Variants in ALDH9A1 observed in about 807,000 individuals in gnomAD.
ALDH9A1 encodes 4-trimethylaminobutyraldehyde dehydrogenase.
ALDH9A1 carries 42 observed loss-of-function variants against 56.6 expected under a neutral mutation model. The ratio of observed to expected loss-of-function variants is 0.74; its 90% CI spans 0.58 to 0.96. The LOEUF (loss-of-function observed/expected upper bound fraction) is 0.96. Among genes scored for constraint, ALDH9A1 ranks in the 40% least tolerant of loss-of-function variants. The pLI is 0.00. For missense variants in ALDH9A1, 661 were observed against 651.5 expected, an observed-to-expected ratio of 1.01 and a Z score of -0.16; for synonymous variants, 242 against 236.0, an observed-to-expected ratio of 1.03 and a Z score of -0.23.
intron 9 of ALDH9A1, 40 bp downstream of exon 9, chr1:165,667,269 C>T (rs773243882): frequency 7.4e-6 from 12 of 1,612,266 alleles, no homozygotes; most frequent in African/African-American, 4.0e-5. Context: ...ACTGCAGCCC[C>T]GCTCCTTCAA....
Position 165,691,205 on chromosome 1 carries a change from T to C in ALDH9A1, c.327+4047A>G, listed in dbSNP as rs1347395511. 4.6e-5 allele frequency among the ~76,000 whole-genome samples: 7 copies of C among 152,182 alleles called. No homozygotes were observed. In the South Asian group the frequency reaches 1.5e-3, roughly 32 times the overall value. ...CAGCAACATTTGCTGTTCTGCAATA[T>C]TTGCTGTTCTACAGCCTCCGCTGGT... On this transcript the variant is annotated intron_variant, in intron 2 of 10. Coordinates refer to ENST00000354775, the MANE Select transcript of ALDH9A1 (RefSeq NM_000696.4).
At position 165,673,719 on chromosome 1, in the gene ALDH9A1, T is replaced by A. The variant is rs146180457; in HGVS notation, c.931-4269A>T. Among the ~76,000 whole-genome samples, 948 of 152,282 alleles carry A rather than the reference T, an allele frequency of 6.2e-3. 26 individuals are homozygous for A. The South Asian group carries it at 0.072, about 12-fold the overall frequency. The stretch of plus-strand genomic sequence containing the variant: ...AGACCCTAATAATTAGACAGGAATA[T>A]CATTGCCCCTATTCAGCATGAAAAA... On this transcript the variant is annotated intron_variant, in intron 6 of 10. Transcript: ENST00000354775.
intron 6 of ALDH9A1, among the ~76,000 whole-genome samples, chr1:165,675,842 A>G (rs1649339749): frequency 6.6e-6 from 1 of 152,268 alleles, no homozygotes; most frequent in Non-Finnish European, 1.5e-5. Context: ...CACGCTGAAT[A>G]TAAAAACAAC....
In ALDH9A1 at chr1:165,698,562, T is replaced by G. The variant is rs368809267; in HGVS notation, c.-4A>C. 4.8e-5 allele frequency: 77 copies of G among 1,596,458 alleles called. 1 individual carries two copies. Among genetic ancestry groups the G allele is most frequent in the African/African-American group, 2.4e-4 (17 of 71,746 alleles). On this transcript the variant is annotated 5_prime_UTR_variant, in exon 1 of 11. Coordinates refer to ENST00000354775, the MANE Select transcript of ALDH9A1 (RefSeq NM_000696.4). ...CCAGGCCTGCTCGGAGAAACATGAG[T>G]GGCGGACGCAGCTCCGCGGCAGAGG...
At chr1:165,675,005 C>T (rs1649304034) in intron 6 of ALDH9A1, among the ~76,000 whole-genome samples, 1 of 152,080 alleles carries the variant, frequency 6.6e-6, no homozygotes, top group Non-Finnish European at 1.5e-5. Context: ...CCAGCCTGGC[C>T]AACATGGTGA....
At chr1:165,681,192 C>T (rs1029428027) in intron 4 of ALDH9A1, among the ~76,000 whole-genome samples, 1 of 152,220 alleles carries the variant, frequency 6.6e-6, no homozygotes, top group Non-Finnish European at 1.5e-5. Context: ...AAGTAAACAA[C>T]TCTTGTCCTT....
chr1:165,675,462 C>G (rs1040195197), intron 6 of ALDH9A1, among the ~76,000 whole-genome samples: 3 of 151,936 alleles, frequency 2.0e-5, no homozygotes, highest in African/African-American at 7.3e-5. Context: ...ATACAAGTAC[C>G]TATTCATTTG....
intron 2 of ALDH9A1, among the ~76,000 whole-genome samples, chr1:165,692,845 T>C (rs1649939505): frequency 6.6e-6 from 1 of 152,082 alleles, no homozygotes; most frequent in Admixed American, 6.6e-5. Flanking sequence ...CAAAACAGCA[T>C]GGTACTGGTA....
intron 6 of ALDH9A1, among the ~76,000 whole-genome samples, chr1:165,673,806 A>C (rs746590255): frequency 6.6e-6 from 1 of 152,146 alleles, no homozygotes; most frequent in Non-Finnish European, 1.5e-5. Flanking sequence ...CTTTTATAAA[A>C]GGGAGAGGGG....
intron 6 of ALDH9A1, chr1:165,676,248 A>G (rs1649351663): frequency 6.5e-6 from 1 of 154,794 alleles, no homozygotes; most frequent in Non-Finnish European, 1.4e-5. Flanking sequence ...TCTAAATACC[A>G]TTTACCACTA....
intron 6 of ALDH9A1, chr1:165,676,750 C>A (rs10918240): frequency 0.21 from 100,562 of 490,220 alleles, 15,273 homozygotes; most frequent in East Asian, 0.79. Context: ...GGAGCCTGAG[C>A]TGCTGGAACC....
chr1:165,679,345 A>C, intron 6 of ALDH9A1, 97 bp downstream of exon 6: 1 of 1,381,234 alleles, frequency 7.2e-7, no homozygotes, highest in Non-Finnish European at 9.8e-7. Context: ...ACTTTTCTGT[A>C]AGTCTGAAAG....
chr1:165,670,712 T>C (rs1233144633), intron 6 of ALDH9A1, among the ~76,000 whole-genome samples: 1 of 152,206 alleles, frequency 6.6e-6, no homozygotes, highest in Non-Finnish European at 1.5e-5. Context: ...TCTCATAATA[T>C]AACATACCAA....
intron 2 of ALDH9A1, among the ~76,000 whole-genome samples, chr1:165,683,595 G>C (rs1052284908): frequency 1.3e-5 from 2 of 152,168 alleles, no homozygotes; most frequent in African/African-American, 4.8e-5. Context: ...ACAGTTCTTA[G>C]GGAAATTATA....
chr1:165,683,448 T>C (rs1222297128), intron 2 of ALDH9A1, among the ~76,000 whole-genome samples: 1 of 152,188 alleles, frequency 6.6e-6, no homozygotes, highest in Non-Finnish European at 1.5e-5. Context: ...GAAGTGTATA[T>C]TTATTGAAGA....
At chr1:165,666,058 C>T (rs542754864) in intron 9 of ALDH9A1, among the ~76,000 whole-genome samples, 7 of 152,228 alleles carry the variant, frequency 4.6e-5, no homozygotes, top group East Asian at 1.9e-4. Context: ...ATCCATACCA[C>T]GGAATATTAT....
At chr1:165,668,772 A>T (rs960400763) in intron 8 of ALDH9A1, 154 bp downstream of exon 8, 1 of 564,438 alleles carries the variant, frequency 1.8e-6, no homozygotes, top group African/African-American at 1.9e-5. Flanking sequence ...GGCTTCAAAG[A>T]TAATGGAGCA....
intron 1 of ALDH9A1, among the ~76,000 whole-genome samples, chr1:165,697,248 T>C (rs761578042): frequency 3.5e-4 from 54 of 152,204 alleles, no homozygotes; most frequent in Non-Finnish European, 7.1e-4. Flanking sequence ...GATGAATAAA[T>C]TGTGGAGAGC....
chr1:165,691,198 T>C (rs1649878324), intron 2 of ALDH9A1, among the ~76,000 whole-genome samples: 1 of 152,212 alleles, frequency 6.6e-6, no homozygotes, highest in South Asian at 2.1e-4. Flanking sequence ...TTTGCTGTTC[T>C]GCAATATTTG....
Sources: gnomAD v4.1 joint callset for allele counts (sites outside exome capture counted in the v4.1 genomes callset) on GRCh38, gnomAD v4.1.1 for gene constraint, MANE v1.5 for transcripts, NCBI Gene and HGNC (gene_info 2026-07-23, HGNC 2026-07-21) for gene names.